CNTNAP2: variants seen among roughly 807,000 people sequenced by gnomAD.
The protein encoded by CNTNAP2 is contactin-associated protein-like 2.
A neutral mutation model predicts 155.2 loss-of-function variants in CNTNAP2; 98 were observed. The observed-to-expected ratio is 0.63, with a 90% CI of 0.54 to 0.75. CNTNAP2 has a LOEUF of 0.75. Among genes scored for constraint, CNTNAP2 ranks in the 30% least tolerant of loss-of-function variants. The pLI is 0.00. For synonymous variants in CNTNAP2, 651 were observed against 631.2 expected, an observed-to-expected ratio of 1.03 and a Z score of -0.47; for missense variants, 1,727 against 1,688.1, an observed-to-expected ratio of 1.02 and a Z score of -0.40.
chr7:146,289,257 T>A (rs1800390583), intron 1 of CNTNAP2, among the ~76,000 whole-genome samples: 1 of 152,204 alleles, frequency 6.6e-6, no homozygotes, highest in African/African-American at 2.4e-5. Context: ...TGAACAAAGT[T>A]AAGAAGGCAT....
intron 21 of CNTNAP2, among the ~76,000 whole-genome samples, chr7:148,269,413 T>C (rs1002589111): frequency 7.9e-5 from 12 of 152,250 alleles, no homozygotes; most frequent in Admixed American, 6.5e-4. Context: ...TTTTTACAGA[T>C]CTTATCACCA....
intron 21 of CNTNAP2, among the ~76,000 whole-genome samples, chr7:148,339,987 G>GTGTGTC (rs1798200138): frequency 1.3e-5 from 2 of 151,318 alleles, no homozygotes; most frequent in African/African-American, 4.9e-5. Flanking sequence ...GTGTGTGTGT[G>GTGTGTC]TGTGTGTGTG....
At chr7:146,907,444 C>A (rs1194219496) in intron 3 of CNTNAP2, among the ~76,000 whole-genome samples, 1 of 144,494 alleles carries the variant, frequency 6.9e-6, no homozygotes, top group Non-Finnish European at 1.5e-5. Flanking sequence ...AGACTAACAG[C>A]GGATCTCTCG....
intron 13 of CNTNAP2, among the ~76,000 whole-genome samples, chr7:147,787,702 G>A (rs539803524): frequency 7.9e-5 from 12 of 152,118 alleles, no homozygotes; most frequent in Non-Finnish European, 1.6e-4. Flanking sequence ...TGCTGAGAAA[G>A]CTAGTTAGTA....
chr7:147,783,126 A>G (rs1797683376), intron 13 of CNTNAP2, among the ~76,000 whole-genome samples: 1 of 152,226 alleles, frequency 6.6e-6, no homozygotes, highest in Non-Finnish European at 1.5e-5. Flanking sequence ...CCTAGTGTGA[A>G]ATCAAGAAAA....
At chr7:148,199,618 T>G (rs1387208612) in intron 18 of CNTNAP2, among the ~76,000 whole-genome samples, 1 of 152,186 alleles carries the variant, frequency 6.6e-6, no homozygotes, top group Non-Finnish European at 1.5e-5. Flanking sequence ...ACAAGCTACA[T>G]GTGGAGGTTG....
chr7:146,486,534 G>T (rs1797061923), intron 1 of CNTNAP2, among the ~76,000 whole-genome samples: 1 of 152,190 alleles, frequency 6.6e-6, no homozygotes, highest in South Asian at 2.1e-4. Flanking sequence ...GGTGGGATTG[G>T]TTCTGGCTGC....
intron 3 of CNTNAP2, among the ~76,000 whole-genome samples, chr7:146,939,815 C>G (rs1797008019): frequency 6.6e-6 from 1 of 152,120 alleles, no homozygotes; most frequent in Non-Finnish European, 1.5e-5. Flanking sequence ...AATGGAAATG[C>G]AAGGGAAACC....
intron 1 of CNTNAP2, among the ~76,000 whole-genome samples, chr7:146,132,513 A>G (rs374038164): frequency 6.6e-6 from 1 of 150,596 alleles, no homozygotes; most frequent in Non-Finnish European, 1.5e-5. Flanking sequence ...GCACTGCACC[A>G]ACTAACTCGT....
chr7:146,142,971 A>G (rs1395143742), intron 1 of CNTNAP2, among the ~76,000 whole-genome samples: 1 of 152,230 alleles, frequency 6.6e-6, no homozygotes, highest in Non-Finnish European at 1.5e-5. Context: ...TAGTTTCTTA[A>G]GAACTCTGCC....
At position 148,012,673 on chromosome 7, in the gene CNTNAP2, C is replaced by T. The variant is rs138145501; in HGVS notation, c.2383+34684C>T. On this transcript the variant is annotated intron_variant, in intron 15 of 23. Transcript: ENST00000361727. ...GAGTTGCCTAGTAAAATGTGTCACA[C>T]GCATAATAAAAGTGTAAAACATTCA... Among the ~76,000 whole-genome samples the T allele has an allele frequency of 1.9e-3, 287 of 152,244 alleles. 1 individual carries two copies. The highest frequency in any genetic ancestry group is 6.1e-3 in the African/African-American group (252 of 41,540).
At chr7:147,003,877 T>A (rs543315297) in intron 3 of CNTNAP2, among the ~76,000 whole-genome samples, 15 of 151,956 alleles carry the variant, frequency 9.9e-5, no homozygotes, top group African/African-American at 3.4e-4. Context: ...AATAATTTTT[T>A]AAAAATTATC....
chr7:146,680,471 T>G (rs1800482444), intron 1 of CNTNAP2, among the ~76,000 whole-genome samples: 1 of 152,178 alleles, frequency 6.6e-6, no homozygotes, highest in Non-Finnish European at 1.5e-5. Flanking sequence ...TAACCTTGAT[T>G]ACAGCAGCTG....
intron 4 of CNTNAP2, among the ~76,000 whole-genome samples, chr7:147,074,425 T>A (rs1254146477): frequency 6.6e-6 from 1 of 152,152 alleles, no homozygotes. Flanking sequence ...CATCCTCATC[T>A]CTGCTAAGTT....
intron 13 of CNTNAP2, among the ~76,000 whole-genome samples, chr7:147,710,581 T>C (rs1796388163): frequency 6.6e-6 from 1 of 152,212 alleles, no homozygotes; most frequent in South Asian, 2.1e-4. Context: ...TTTATTTCCA[T>C]TGGATCTCTT....
At chr7:146,868,831 C>T (rs148505722) in intron 3 of CNTNAP2, among the ~76,000 whole-genome samples, 20 of 152,096 alleles carry the variant, frequency 1.3e-4, no homozygotes, top group Non-Finnish European at 2.1e-4. Context: ...GTTGTTGGTA[C>T]CCAGAAATGC....
chr7:146,438,082 G>T (rs1796268765), intron 1 of CNTNAP2, among the ~76,000 whole-genome samples: 3 of 151,246 alleles, frequency 2.0e-5, no homozygotes, highest in Admixed American at 2.0e-4. Context: ...GGAGTTCAGG[G>T]TTTGCTATCG....
chr7:146,164,312 C>T (rs917007934), intron 1 of CNTNAP2, among the ~76,000 whole-genome samples: 1 of 152,156 alleles, frequency 6.6e-6, no homozygotes, highest in Admixed American at 6.6e-5. Context: ...ATGTATCACT[C>T]ATCTACTTAC....
chr7:148,159,561 C>T (rs1357001762), intron 17 of CNTNAP2, among the ~76,000 whole-genome samples: 1 of 152,106 alleles, frequency 6.6e-6, no homozygotes, highest in Non-Finnish European at 1.5e-5. Context: ...ATGATGAATA[C>T]CTAGGTTTTC....
Sources: allele counts gnomAD v4.1 joint callset (sites outside exome capture counted in the v4.1 genomes callset), GRCh38; gene constraint gnomAD v4.1.1; transcripts MANE v1.5; gene names NCBI Gene and HGNC (gene_info 2026-07-23, HGNC 2026-07-21).